The following MAP3K4 variants were observed in gnomAD, a reference collection of about 807,000 sequenced individuals.
The protein encoded by MAP3K4 is mitogen-activated protein kinase kinase kinase 4, also known as MAP three kinase 1.
In MAP3K4, 67 loss-of-function variants were observed where a neutral mutation model predicts 185.6. That is an observed-to-expected ratio of 0.36 (90% CI 0.30 to 0.44). MAP3K4 has a LOEUF of 0.44. Among genes scored for constraint, MAP3K4 ranks in the 20% least tolerant of loss-of-function variants. The pLI is 1.00. For missense variants in MAP3K4, 1,551 were observed against 1,995.1 expected (o/e 0.78, Z 4.24); for synonymous variants, 702 against 710.4 (o/e 0.99, Z 0.19).
chr6:161,097,256 C>G lies in MAP3K4; in HGVS notation c.3524+80C>G. 8.4e-7 allele frequency: 1 copy of G among 1,192,062 alleles called. No individual in the cohort carries two copies. Among genetic ancestry groups the G allele is most frequent in the Non-Finnish European group, 1.2e-6 (1 of 807,340 alleles). 73.8% of individuals were successfully genotyped at this position (1,192,062 alleles called of 1,614,324 possible). On this transcript the variant is annotated intron_variant, in intron 16 of 26. Coordinates refer to ENST00000392142, the MANE Select transcript of MAP3K4 (RefSeq NM_005922.4). This position sits in a 1 kb window ranked among gnomAD's most constrained non-coding sequence, Gnocchi z 4.9. ...CTCATACTTTTGAAACTACTAGATGCTTGCTCTGAGAGCTAAATACCTTTT... is the reference window on the plus strand; with the variant it reads ...CTCATACTTTTGAAACTACTAGATGGTTGCTCTGAGAGCTAAATACCTTTT...
chr6:161,080,849 C>G lies in MAP3K4; in HGVS notation c.2098-32C>G, dbSNP rs755136465. ...GCGCTGAGTTGCCAAGTTCTACTTT[C>G]AAATGTCTCCCTTTACTTTTTGTGT... On this transcript the variant is annotated intron_variant, in intron 5 of 26. Transcript: ENST00000392142. This position sits in a 1 kb window ranked among gnomAD's most constrained non-coding sequence, Gnocchi z 4.8. 5 of 1,606,892 alleles carry G rather than the reference C, an allele frequency of 3.1e-6. No individual in the cohort carries two copies. Among genetic ancestry groups the G allele is most frequent in the African/African-American group, 1.3e-5 (1 of 74,732 alleles).
At chr6:161,033,550 C>CCTTT (rs1554275243) in intron 1 of MAP3K4, among the ~76,000 whole-genome samples, 3 of 151,728 alleles carry the variant, frequency 2.0e-5, no homozygotes, top group Admixed American at 6.6e-5. Flanking sequence ...CTCCCCTGCA[C>CCTTT]CTTGAGTTCT....
Position 161,032,145 on chromosome 6 carries a change from C to T in MAP3K4, c.153-2114C>T, listed in dbSNP as rs546799257. 3.3e-5 allele frequency among the ~76,000 whole-genome samples: 5 copies of T among 152,244 alleles called. No individual in the cohort carries two copies. In the East Asian group the frequency reaches 5.8e-4, roughly 18 times the overall value. ...AAATATAGTCTTTTCTTAGTGTTTC[C>T]TTTAAGTATATTAAGTGTGGAAATT... On this transcript the variant is annotated intron_variant, in intron 1 of 26. Transcript: ENST00000392142.
intron 1 of MAP3K4, among the ~76,000 whole-genome samples, chr6:161,001,654 A>G (rs1781327349): frequency 6.6e-6 from 1 of 152,190 alleles, no homozygotes; most frequent in African/African-American, 2.4e-5. Flanking sequence ...TTCTTTGCTG[A>G]CACTTGTATG....
At chr6:161,032,900 G>A (rs1261885772) in intron 1 of MAP3K4, among the ~76,000 whole-genome samples, 1 of 152,164 alleles carries the variant, frequency 6.6e-6, no homozygotes, top group Non-Finnish European at 1.5e-5. Context: ...AGGAGCACAT[G>A]TGTACTCTCA....
Position 161,074,081 on chromosome 6 carries a change from G to C in MAP3K4, c.2097+469G>C, listed in dbSNP as rs919567817. Among the ~76,000 whole-genome samples the C allele has an allele frequency of 2.6e-5, 4 of 152,172 alleles. No homozygotes were observed. The highest frequency in any genetic ancestry group is 9.7e-5 in the African/African-American group (4 of 41,444). ...CTCTGGGAGTGTTGAAGATCAACAA[G>C]ACACTCGTAGTCTGGTGGGACTAGG... On this transcript the variant is annotated intron_variant, in intron 5 of 26. Coordinates refer to ENST00000392142, the MANE Select transcript of MAP3K4 (RefSeq NM_005922.4). The surrounding 1 kb of genome is among the most constrained non-coding windows in gnomAD (Gnocchi z 5.0).
In MAP3K4 at chr6:161,070,769, T is replaced by C. The variant is rs770067213; in HGVS notation, c.1869T>C (p.Leu623=). 13 of 1,614,168 alleles carry C rather than the reference T, an allele frequency of 8.1e-6. No homozygotes were observed. The highest frequency in any genetic ancestry group is 9.3e-6 in the Non-Finnish European group (11 of 1,180,020). ...CCTTCCTAGTTCTCTGCCGAGTCCT[T>C]CTGAATGTCATACATGAGTGTCTGA... is the stretch of plus-strand genomic sequence containing the variant. ...EPAFLVLCRV[L]LNVIHECLKL... is the part of the protein sequence containing the mutation. Residue 623 remains leucine, a synonymous_variant, in exon 4 of 27, where the codon CTT becomes CTC. Coordinates refer to ENST00000392142, the MANE Select transcript of MAP3K4 (RefSeq NM_005922.4). The surrounding 1 kb of genome is among the most constrained non-coding windows in gnomAD (Gnocchi z 4.5).
At chr6:161,020,656 TAAAA>T (rs775816898) in intron 1 of MAP3K4, among the ~76,000 whole-genome samples, 1 of 96,480 alleles carries the variant, frequency 1.0e-5, no homozygotes. Context: ...AGACTCTGTC[TAAAA>T]AAAAAAAAAA....
chr6:161,009,092 C>T (rs954617658), intron 1 of MAP3K4, among the ~76,000 whole-genome samples: 5 of 150,908 alleles, frequency 3.3e-5, no homozygotes, highest in African/African-American at 4.9e-5. Flanking sequence ...TCAAGAGATT[C>T]TCCTGCTTCA....
In MAP3K4 at chr6:161,071,860, T is replaced by A. The variant is rs900754146; in HGVS notation, c.1950+1010T>A. ...CATCCTCATAATCGCAGTGGTTATC[T>A]AGGACATTTTGGGAAAATACTTCTC... On this transcript the variant is annotated intron_variant, in intron 4 of 26. Transcript: ENST00000392142. This position sits in a 1 kb window ranked among gnomAD's most constrained non-coding sequence, Gnocchi z 4.6. Among the ~76,000 whole-genome samples, 1 of 152,210 alleles carries A rather than the reference T, an allele frequency of 6.6e-6. No individual in the cohort carries two copies. Among genetic ancestry groups the A allele is most frequent in the Non-Finnish European group, 1.5e-5 (1 of 68,030 alleles).
At position 161,087,274 on chromosome 6, in the gene MAP3K4, C is replaced by T. The variant is rs1157453881; in HGVS notation, c.2557-414C>T. 6.6e-6 allele frequency among the ~76,000 whole-genome samples: 1 copy of T among 152,176 alleles called. No homozygotes were observed. Among genetic ancestry groups the T allele is most frequent in the Non-Finnish European group, 1.5e-5 (1 of 68,036 alleles). ...TCAAGGAGCCTTCTTGTGATGAACC[C>T]CTGGCTCCCTGCCCTGGAATAATTA... On this transcript the variant is annotated intron_variant, in intron 9 of 26. Coordinates refer to ENST00000392142, the MANE Select transcript of MAP3K4 (RefSeq NM_005922.4). The surrounding 1 kb of genome is among the most constrained non-coding windows in gnomAD (Gnocchi z 4.9).
Position 161,098,451 on chromosome 6 carries a change from C to T in MAP3K4, c.3674+24C>T, listed in dbSNP as rs766371164. 2.1e-5 allele frequency: 33 copies of T among 1,601,284 alleles called. No homozygotes were observed. Among genetic ancestry groups the T allele is most frequent in the African/African-American group, 2.7e-5 (2 of 74,604 alleles). On this transcript the variant is annotated intron_variant, in intron 17 of 26. Coordinates refer to ENST00000392142, the MANE Select transcript of MAP3K4 (RefSeq NM_005922.4). This position sits in a 1 kb window ranked among gnomAD's most constrained non-coding sequence, Gnocchi z 4.4. ...AGGTAGTCTCACCCCACCAGTGTCC[C>T]GTACCCTCACCACCCCTTACATGCG...
In MAP3K4 at chr6:161,088,585, C is replaced by T. The variant is rs1024522815; in HGVS notation, c.2823+631C>T. 1.3e-5 allele frequency among the ~76,000 whole-genome samples: 2 copies of T among 152,184 alleles called. No individual in the cohort carries two copies. Among genetic ancestry groups the T allele is most frequent in the Non-Finnish European group, 2.9e-5 (2 of 68,038 alleles). ...TTCCGCGTTCACTCACATGTTTAAA[C>T]CAGAAGTGTGACAGCTAATATAAAT... On this transcript the variant is annotated intron_variant, in intron 10 of 26. Coordinates refer to ENST00000392142, the MANE Select transcript of MAP3K4 (RefSeq NM_005922.4). This position sits in a 1 kb window ranked among gnomAD's most constrained non-coding sequence, Gnocchi z 4.5.
intron 6 of MAP3K4, among the ~76,000 whole-genome samples, chr6:161,081,557 ACT>A (rs1300383246): frequency 6.6e-6 from 1 of 152,044 alleles, no homozygotes; most frequent in Non-Finnish European, 1.5e-5. Context: ...CTCATCACAG[ACT>A]CTCTTTATGA....
rs1785526099 is a variant in MAP3K4, at chr6:161,082,938, C to T, written c.2256-1563C>T. 6.6e-6 allele frequency among the ~76,000 whole-genome samples: 1 copy of T among 152,332 alleles called. No homozygotes were observed. The highest frequency in any genetic ancestry group is 1.5e-5 in the Non-Finnish European group (1 of 68,036). ...TTTCCCAGTGGCTCCCCATCTTACT[C>T]AGGAAACGTAAGACTGCCTAACAAT... On this transcript the variant is annotated intron_variant, in intron 6 of 26. Coordinates refer to ENST00000392142, the MANE Select transcript of MAP3K4 (RefSeq NM_005922.4). The surrounding 1 kb of genome is among the most constrained non-coding windows in gnomAD (Gnocchi z 4.2).
In MAP3K4 at chr6:161,086,771, C is replaced by G; in HGVS notation, c.2556+104C>G. 1.2e-6 allele frequency: 1 copy of G among 838,160 alleles called. No homozygotes were observed. The highest frequency in any genetic ancestry group is 1.8e-5 in the South Asian group (1 of 56,860). The allele number at this position is 838,160 out of a possible 1,614,324, so 51.9% of individuals were successfully genotyped here. On this transcript the variant is annotated intron_variant, in intron 9 of 26. Coordinates refer to ENST00000392142, the MANE Select transcript of MAP3K4 (RefSeq NM_005922.4). This position sits in a 1 kb window ranked among gnomAD's most constrained non-coding sequence, Gnocchi z 4.8. ...GTCCAGATAGTAAATATTACAGGCT[C>G]TGAAGGCTGTACCACAACCCCAGTT...
rs201357129 is a variant in MAP3K4 at position 161,091,548 on chromosome 6, C to T, written c.3135+8C>T. ...TACAATTTTGGATTTGAGGTAGGTT[C>T]AAAATAAGAGGAAACACGGTACAAT... On this transcript the variant is annotated splice_region_variant and intron_variant, in intron 12 of 26. Transcript: ENST00000392142. The surrounding 1 kb of genome is among the most constrained non-coding windows in gnomAD (Gnocchi z 5.5). 1.4e-5 allele frequency: 22 copies of T among 1,607,360 alleles called. No individual in the cohort carries two copies. In the East Asian group the frequency reaches 4.3e-4, roughly 31 times the overall value.
chr6:161,102,578 A>G, intron 18 of MAP3K4, 121 bp from the exon 19 acceptor site: 1 of 621,552 alleles, frequency 1.6e-6, no homozygotes, highest in Non-Finnish European at 2.8e-6. Context: ...CAAACACACT[A>G]AAAATTAATA....
At chr6:161,011,357 G>C (rs1269128159) in intron 1 of MAP3K4, among the ~76,000 whole-genome samples, 1 of 152,094 alleles carries the variant, frequency 6.6e-6, no homozygotes, top group African/African-American at 2.4e-5. Flanking sequence ...TAATTTTTCA[G>C]GATTCTGTTT....
Sources: gnomAD v4.1 joint callset for allele counts (sites outside exome capture counted in the v4.1 genomes callset) on GRCh38, gnomAD v4.1.1 for gene constraint, Gnocchi (gnomAD v3.1) non-coding constraint, MANE v1.5 for transcripts, NCBI Gene and HGNC (gene_info 2026-07-23, HGNC 2026-07-21) for gene names.